Variants in TEC observed in about 807,000 individuals in gnomAD.
TEC encodes the protein tyrosine-protein kinase Tec.
TEC carries 72 observed loss-of-function variants against 93.0 expected under a neutral mutation model. The observed-to-expected ratio is 0.77, with a 90% CI of 0.64 to 0.94. TEC has a LOEUF of 0.94. TEC is among the 40% of genes least tolerant of loss of function. TEC has a pLI of 0.00. For missense variants in TEC, 630 were observed against 757.9 expected, an observed-to-expected ratio of 0.83 and a Z score of 1.98; for synonymous variants, 249 against 247.7, an observed-to-expected ratio of 1.01 and a Z score of -0.05.
At chr4:48,171,551 A>C in intron 3 of TEC, 102 bp from the exon 4 acceptor site, 85 of 769,926 alleles carry the variant, frequency 1.1e-4, no homozygotes, top group Non-Finnish European at 1.5e-4. Context: ...AATGATTCTC[A>C]AATAACTGAA....
At chr4:48,248,413 C>T (rs1724115692) in intron 1 of TEC, among the ~76,000 whole-genome samples, 3 of 152,106 alleles carry the variant, frequency 2.0e-5, no homozygotes, top group Non-Finnish European at 2.9e-5. Flanking sequence ...AGAGAGAGCA[C>T]GCACCCAGTA....
intron 14 of TEC, among the ~76,000 whole-genome samples, chr4:48,143,845 T>C (rs771107476): frequency 1.5e-4 from 23 of 152,188 alleles, no homozygotes; most frequent in Admixed American, 6.5e-4. Flanking sequence ...TAAGAAAATC[T>C]ACTTCCCAGA....
intron 2 of TEC, among the ~76,000 whole-genome samples, chr4:48,200,132 G>A (rs924410998): frequency 6.6e-6 from 1 of 152,194 alleles, no homozygotes; most frequent in Non-Finnish European, 1.5e-5. Context: ...GGAAGTAATA[G>A]TTAAGCTGAA....
chr4:48,194,546 A>T (rs963486676), intron 2 of TEC, among the ~76,000 whole-genome samples: 1 of 152,156 alleles, frequency 6.6e-6, no homozygotes, highest in Non-Finnish European at 1.5e-5. Context: ...TAAAAGAGAA[A>T]CATTCCCTCC....
At chr4:48,217,050 T>C (rs1723104281) in intron 2 of TEC, among the ~76,000 whole-genome samples, 1 of 151,826 alleles carries the variant, frequency 6.6e-6, no homozygotes, top group Non-Finnish European at 1.5e-5. Context: ...TACAAAATAA[T>C]AAAAAATTAA....
At chr4:48,163,225 T>G (rs370910341) in intron 8 of TEC, among the ~76,000 whole-genome samples, 1 of 152,298 alleles carries the variant, frequency 6.6e-6, no homozygotes, top group Non-Finnish European at 1.5e-5. Context: ...GGAAAATGTT[T>G]TCAAAGAATA....
rs1369467747 is a variant in TEC, at chr4:48,162,464, T to C, written c.737+1238A>G. On this transcript the variant is annotated intron_variant, in intron 8 of 17. Transcript: ENST00000381501. ...ATAAGGATTATCTGGCTTCCAAGCATCCTCTTTCCCCAAATTCAATCAGTT... is the reference window on the plus strand; with the variant it reads ...ATAAGGATTATCTGGCTTCCAAGCACCCTCTTTCCCCAAATTCAATCAGTT... Among the ~76,000 whole-genome samples, 4 of 152,194 alleles carry C rather than the reference T, an allele frequency of 2.6e-5. No individual in the cohort carries two copies. The East Asian group carries it at 7.7e-4, about 29-fold the overall frequency.
At chr4:48,160,572 C>T (rs968278369) in intron 8 of TEC, among the ~76,000 whole-genome samples, 1 of 151,734 alleles carries the variant, frequency 6.6e-6, no homozygotes, top group African/African-American at 2.4e-5. Flanking sequence ...ACTAAAAATA[C>T]AAAAATGAGC....
intron 7 of TEC, among the ~76,000 whole-genome samples, 169 bp from the exon 8 acceptor site, chr4:48,163,936 A>C (rs1336949862): frequency 6.6e-6 from 1 of 152,246 alleles, no homozygotes; most frequent in African/African-American, 2.4e-5. Flanking sequence ...GACATTTTAC[A>C]AAGTACTTTC....
intron 1 of TEC, among the ~76,000 whole-genome samples, chr4:48,238,745 T>C (rs2109653508): frequency 6.6e-6 from 1 of 151,686 alleles, no homozygotes; most frequent in East Asian, 1.9e-4. Context: ...CCAGCCTTCT[T>C]TGCAGTAAAG....
intron 2 of TEC, among the ~76,000 whole-genome samples, chr4:48,214,142 T>TTG (rs1221076504): frequency 6.6e-6 from 1 of 152,176 alleles, no homozygotes; most frequent in African/African-American, 2.4e-5. Flanking sequence ...GTGCGAGGTA[T>TTG]TGTGTGTGAT....
rs10659576 is a variant in TEC, at chr4:48,262,201, C to CTTTTTTTTT, written c.-46+7542_-46+7550dup. Among the ~76,000 whole-genome samples the CTTTTTTTTT allele has an allele frequency of 8.4e-4, 67 of 80,220 alleles. 8 individuals are homozygous for CTTTTTTTTT. The South Asian group carries it at 0.021, about 26-fold the overall frequency. The allele number at this position is 80,220 out of a possible 152,430, so 52.6% of individuals were successfully genotyped here. On this transcript the variant is annotated intron_variant, in intron 1 of 17. Coordinates refer to ENST00000381501, the MANE Select transcript of TEC (RefSeq NM_003215.3). ...CTTGGGTAATTGTGACCAAATGTCT[C>CTTTTTTTTT]TTTTTTTTTTTTTGAGACGGAGTCT...
At chr4:48,214,942 G>A (rs538128883) in intron 2 of TEC, among the ~76,000 whole-genome samples, 1 of 151,820 alleles carries the variant, frequency 6.6e-6, no homozygotes, top group Admixed American at 6.6e-5. Flanking sequence ...GACAAGAAGT[G>A]AGGAATTCAA....
At chr4:48,144,426 C>T (rs567506298) in intron 14 of TEC, among the ~76,000 whole-genome samples, 1 of 152,106 alleles carries the variant, frequency 6.6e-6, no homozygotes, top group South Asian at 2.1e-4. Context: ...GGACAGAGTG[C>T]TACTGATAGC....
At chr4:48,209,871 CTTGT>C (rs535557760) in intron 2 of TEC, among the ~76,000 whole-genome samples, 266 of 152,202 alleles carry the variant, frequency 1.7e-3, no homozygotes, top group African/African-American at 6.1e-3. Context: ...TGTAAACATG[CTTGT>C]TTATTAGCTG....
At chr4:48,189,624 A>G (rs966610282) in intron 2 of TEC, among the ~76,000 whole-genome samples, 1 of 152,260 alleles carries the variant, frequency 6.6e-6, no homozygotes, top group Non-Finnish European at 1.5e-5. Context: ...TCACTAGGAA[A>G]TAAGAATTTA....
chr4:48,241,531 T>C (rs1042171304), intron 1 of TEC, among the ~76,000 whole-genome samples: 2 of 152,140 alleles, frequency 1.3e-5, no homozygotes, highest in African/African-American at 4.8e-5. Context: ...GCCAGACACA[T>C]GAGTGAGAGA....
intron 11 of TEC, 62 bp downstream of exon 11, chr4:48,149,495 A>ACAGT (rs1277883537): frequency 5.5e-6 from 8 of 1,444,524 alleles, no homozygotes; most frequent in Non-Finnish European, 7.3e-6. Context: ...GGAATTAATC[A>ACAGT]CAGTATCTGA....
chr4:48,140,289 G>A lies in TEC; in HGVS notation c.1535+1066C>T, dbSNP rs1163617285. 2.0e-5 allele frequency among the ~76,000 whole-genome samples: 3 copies of A among 152,174 alleles called. No homozygotes were observed. The East Asian group carries it at 5.8e-4, about 29-fold the overall frequency. On this transcript the variant is annotated intron_variant, in intron 15 of 17. Transcript: ENST00000381501. ...TGGCGCTTTTTCCGTTCCTTGAGCA[G>A]GCCAGACGTGTCCCAGACTTCAAGC...
Sources: allele counts gnomAD v4.1 joint callset (sites outside exome capture counted in the v4.1 genomes callset), GRCh38; gene constraint gnomAD v4.1.1; transcripts MANE v1.5; gene names NCBI Gene and HGNC (gene_info 2026-07-23, HGNC 2026-07-21).